The following GPC6 variants were observed in gnomAD, a reference collection of about 807,000 sequenced individuals.
GPC6 encodes the protein glypican-6.
In GPC6, 14 loss-of-function variants were observed where a neutral mutation model predicts 55.2. That is an observed-to-expected ratio of 0.25 (90% confidence interval 0.17 to 0.40). The LOEUF is 0.40. Among genes scored for constraint, GPC6 ranks in the 10% least tolerant of loss-of-function variants. The pLI is 1.00. For missense variants in GPC6, 641 were observed against 708.5 expected (o/e 0.90, Z 1.08); for synonymous variants, 278 against 259.6 (o/e 1.07, Z -0.68).
chr13:93,462,179 C>A (rs1436978507), intron 1 of GPC6, among the ~76,000 whole-genome samples: 1 of 152,096 alleles, frequency 6.6e-6, no homozygotes, highest in Admixed American at 6.6e-5. Flanking sequence ...TATGTCATAT[C>A]TGTTGGATGA....
chr13:93,666,141 G>A (rs1372717251), intron 2 of GPC6, among the ~76,000 whole-genome samples: 2 of 152,108 alleles, frequency 1.3e-5, no homozygotes, highest in Non-Finnish European at 2.9e-5. Flanking sequence ...TGGATTTAGG[G>A]GAGGGTGATC....
At chr13:93,752,885 A>G (rs552198475) in intron 2 of GPC6, among the ~76,000 whole-genome samples, 2 of 152,178 alleles carry the variant, frequency 1.3e-5, no homozygotes, top group Admixed American at 6.5e-5. Context: ...TAATGATCAG[A>G]TGGATTCAGC....
intron 1 of GPC6, among the ~76,000 whole-genome samples, chr13:93,537,942 A>G (rs1215461669): frequency 6.6e-6 from 1 of 152,214 alleles, no homozygotes; most frequent in East Asian, 1.9e-4. Context: ...TTGTTATTTT[A>G]AAAATCTCAA....
chr13:93,750,562 T>C (rs191758648), intron 2 of GPC6, among the ~76,000 whole-genome samples: 1 of 152,266 alleles, frequency 6.6e-6, no homozygotes, highest in East Asian at 1.9e-4. Context: ...CAGATAGAGA[T>C]AGATTCAGTG....
At chr13:93,782,697 C>CAT (rs1441365216) in intron 2 of GPC6, among the ~76,000 whole-genome samples, 12 of 152,120 alleles carry the variant, frequency 7.9e-5, no homozygotes, top group Admixed American at 6.6e-4. Flanking sequence ...AGCACTTTTA[C>CAT]ATATACCTGT....
In GPC6 at chr13:93,416,787, G is replaced by A. The variant is rs116020847; in HGVS notation, c.161-128476G>A. ...TTGATTCTGACAATAACTTGGTGAA[G>A]GACACAGGGCAACCCCCCTGTTATT... On this transcript the variant is annotated intron_variant, in intron 1 of 8. Coordinates refer to ENST00000377047, the MANE Select transcript of GPC6 (RefSeq NM_005708.5). 9.3e-3 allele frequency among the ~76,000 whole-genome samples: 1,414 copies of A among 152,042 alleles called. 25 individuals are homozygous for A. The highest frequency in any genetic ancestry group is 0.033 in the African/African-American group (1,363 of 41,476).
intron 2 of GPC6, among the ~76,000 whole-genome samples, chr13:93,610,513 G>T (rs992395797): frequency 3.9e-5 from 6 of 152,072 alleles, no homozygotes. Context: ...CAAGGGAAGC[G>T]TATCAGGAGA....
At chr13:93,777,348 C>T (rs1189077733) in intron 2 of GPC6, among the ~76,000 whole-genome samples, 1 of 152,186 alleles carries the variant, frequency 6.6e-6, no homozygotes, top group African/African-American at 2.4e-5. Context: ...TAACTAAACC[C>T]AGCTAAGCCT....
intron 1 of GPC6, among the ~76,000 whole-genome samples, chr13:93,248,646 C>T (rs914968540): frequency 1.3e-5 from 2 of 152,146 alleles, no homozygotes; most frequent in Middle Eastern, 3.2e-3. Context: ...CCTGGAAGTA[C>T]TGAGCTGCTC....
At chr13:93,378,221 G>C (rs1315157482) in intron 1 of GPC6, among the ~76,000 whole-genome samples, 1 of 152,136 alleles carries the variant, frequency 6.6e-6, no homozygotes, top group African/African-American at 2.4e-5. Context: ...AAATGATTCT[G>C]CTACTTGATG....
chr13:94,270,399 G>A (rs1315514077), intron 4 of GPC6, among the ~76,000 whole-genome samples: 2 of 152,310 alleles, frequency 1.3e-5, no homozygotes, highest in East Asian at 3.9e-4. Flanking sequence ...CATGCAGCCA[G>A]TAAAAAGGAT....
chr13:93,429,172 CCAAA>C, intron 1 of GPC6, among the ~76,000 whole-genome samples: 1 of 152,144 alleles, frequency 6.6e-6, no homozygotes, highest in East Asian at 1.9e-4. Context: ...AATGAACAAG[CCAAA>C]CACTCTCCTA....
In GPC6 at chr13:93,358,242, G is replaced by T. The variant is rs146993271; in HGVS notation, c.160+130626G>T. 2.6e-5 allele frequency among the ~76,000 whole-genome samples: 4 copies of T among 152,170 alleles called. No individual in the cohort carries two copies. The East Asian group carries it at 7.8e-4, about 30-fold the overall frequency. ...ATGCTTGTAGTCCCAGCACTCAAAG[G>T]CTGTGGTGGAATGATTGCTTGAGCC... is the stretch of plus-strand genomic sequence containing the variant. On this transcript the variant is annotated intron_variant, in intron 1 of 8. Transcript: ENST00000377047.
intron 1 of GPC6, among the ~76,000 whole-genome samples, chr13:93,518,434 A>T (rs1471782527): frequency 6.6e-6 from 1 of 151,890 alleles, no homozygotes; most frequent in Non-Finnish European, 1.5e-5. Context: ...CCTGGAGGCA[A>T]ACCCTACTAC....
intron 1 of GPC6, among the ~76,000 whole-genome samples, chr13:93,505,760 G>A (rs1458037562): frequency 6.6e-6 from 1 of 152,182 alleles, no homozygotes; most frequent in Non-Finnish European, 1.5e-5. Context: ...GCATTGCTTT[G>A]TTTGTCCTCA....
At chr13:93,815,074 A>G (rs1204408197) in intron 2 of GPC6, among the ~76,000 whole-genome samples, 1 of 152,144 alleles carries the variant, frequency 6.6e-6, no homozygotes. Flanking sequence ...TATTAAGGCT[A>G]TATTTTGCAG....
chr13:93,802,049 A>G (rs1428340323), intron 2 of GPC6, among the ~76,000 whole-genome samples: 1 of 152,186 alleles, frequency 6.6e-6, no homozygotes, highest in African/African-American at 2.4e-5. Flanking sequence ...TAGGTATTTA[A>G]GAGATTAAGT....
chr13:94,062,443 G>T (rs552657576), intron 4 of GPC6, among the ~76,000 whole-genome samples: 1 of 151,904 alleles, frequency 6.6e-6, no homozygotes, highest in Admixed American at 6.6e-5. Flanking sequence ...TAGAGACCAG[G>T]TTTCACCATG....
intron 2 of GPC6, among the ~76,000 whole-genome samples, chr13:93,665,451 G>T (rs1210276272): frequency 6.6e-6 from 1 of 151,994 alleles, no homozygotes; most frequent in East Asian, 1.9e-4. Flanking sequence ...TATGTACCTA[G>T]ACATTTCTGG....
Sources: allele counts gnomAD v4.1 joint callset (sites outside exome capture counted in the v4.1 genomes callset), GRCh38; gene constraint gnomAD v4.1.1; transcripts MANE v1.5; gene names NCBI Gene and HGNC (gene_info 2026-07-23, HGNC 2026-07-21).